LINGO2: variants seen among roughly 807,000 people sequenced by gnomAD.
LINGO2 encodes the protein leucine-rich repeat and immunoglobulin-like domain-containing nogo receptor-interacting protein 2.
Under a neutral mutation model 30.6 loss-of-function variants are expected in LINGO2, and 14 were observed. The ratio of observed to expected loss-of-function variants is 0.46; its 90% CI spans 0.30 to 0.72. LINGO2 has a LOEUF of 0.72. Ranked by LOEUF, LINGO2 falls within the 30% of genes least tolerant of loss-of-function variation. The pLI, the probability that LINGO2 is intolerant of heterozygous loss-of-function variation, is 0.07. For synonymous variants in LINGO2, 317 were observed against 288.5 expected (o/e 1.10, Z -1.00); for missense variants, 729 against 751.7 (o/e 0.97, Z 0.35).
chr9:28,342,354 G>C (rs918138605), intron 3 of LINGO2, among the ~76,000 whole-genome samples: 2 of 152,056 alleles, frequency 1.3e-5, no homozygotes, highest in African/African-American at 4.8e-5. Context: ...AAAAGAAATA[G>C]TCCAACAAAC....
the LINGO2 span, among the ~76,000 whole-genome samples, chr9:29,140,604 C>G: frequency 3.5e-5 from 5 of 144,610 alleles, no homozygotes; most frequent in Admixed American, 2.8e-4. Context: ...GGGAAGAAAA[C>G]TTATATAAAT....
At chr9:27,965,727 T>G (rs1249000438) in intron 5 of LINGO2, among the ~76,000 whole-genome samples, 3 of 152,150 alleles carry the variant, frequency 2.0e-5, no homozygotes, top group African/African-American at 7.2e-5. Flanking sequence ...ATAGAAATAC[T>G]TGGACATATA....
At chr9:28,231,168 A>G (rs1199589943) in intron 4 of LINGO2, among the ~76,000 whole-genome samples, 2 of 151,888 alleles carry the variant, frequency 1.3e-5, no homozygotes, top group Non-Finnish European at 2.9e-5. Context: ...GCCTCAAAAA[A>G]AAAATACTAC....
chr9:28,588,598 A>AAAACAAAC (rs5897309), intron 1 of LINGO2, among the ~76,000 whole-genome samples: 13,334 of 150,594 alleles, frequency 0.089, 843 homozygotes, highest in African/African-American at 0.16. Context: ...AGTTCAGGTT[A>AAAACAAAC]AAACAAACAA....
the LINGO2 span, among the ~76,000 whole-genome samples, chr9:28,679,214 A>T: frequency 1.3e-5 from 2 of 152,056 alleles, no homozygotes; most frequent in Non-Finnish European, 2.9e-5. Context: ...TCAGAAAAAA[A>T]ATTCTAATAT....
chr9:29,109,235 T>A, the LINGO2 span, among the ~76,000 whole-genome samples: 7 of 152,132 alleles, frequency 4.6e-5, no homozygotes, highest in African/African-American at 1.7e-4. Context: ...CAACTGCATA[T>A]CTCATCTGTT....
intron 1 of LINGO2, among the ~76,000 whole-genome samples, chr9:28,652,784 A>C (rs144834487): frequency 4.9e-4 from 74 of 152,148 alleles, no homozygotes; most frequent in Non-Finnish European, 9.4e-4. Context: ...GGAAAGAAGA[A>C]AGACAGGAAG....
the LINGO2 span, among the ~76,000 whole-genome samples, chr9:28,727,583 C>G: frequency 6.6e-6 from 1 of 152,196 alleles, no homozygotes; most frequent in East Asian, 1.9e-4. Context: ...CCACCACGCC[C>G]GGCCAAATTA....
the LINGO2 span, among the ~76,000 whole-genome samples, chr9:29,050,114 CT>C: frequency 6.6e-6 from 1 of 152,022 alleles, no homozygotes; most frequent in Non-Finnish European, 1.5e-5. Flanking sequence ...CACCCTCTGC[CT>C]CCTGAGTTCA....
At chr9:28,848,051 A>ACACAC in the LINGO2 span, among the ~76,000 whole-genome samples, 1 of 21,606 alleles carries the variant, frequency 4.6e-5, no homozygotes, top group Non-Finnish European at 1.0e-4. Flanking sequence ...TATAGTATAT[A>ACACAC]TATATATATA....
At chr9:28,687,206 AC>A in the LINGO2 span, among the ~76,000 whole-genome samples, 1 of 152,156 alleles carries the variant, frequency 6.6e-6, no homozygotes, top group African/African-American at 2.4e-5. Flanking sequence ...ATGTATGAGC[AC>A]AGCATTTACA....
chr9:28,592,529 A>G (rs2383773), intron 1 of LINGO2, among the ~76,000 whole-genome samples: 22,919 of 152,036 alleles, frequency 0.15, 2,228 homozygotes, highest in Admixed American at 0.28. Flanking sequence ...GTTCAGAGCT[A>G]TATTTTCTTA....
chr9:28,475,071 C>G (rs981933204), intron 2 of LINGO2, among the ~76,000 whole-genome samples: 1 of 151,996 alleles, frequency 6.6e-6, no homozygotes, highest in African/African-American at 2.4e-5. Context: ...GCACTGAGCT[C>G]TAATACATCC....
chr9:28,829,954 C>A, the LINGO2 span, among the ~76,000 whole-genome samples: 1 of 152,176 alleles, frequency 6.6e-6, no homozygotes, highest in Non-Finnish European at 1.5e-5. Flanking sequence ...ATCAGTCATA[C>A]TATAAATGCT....
At chr9:28,307,241 G>A (rs1300628851) in intron 3 of LINGO2, among the ~76,000 whole-genome samples, 2 of 152,086 alleles carry the variant, frequency 1.3e-5, no homozygotes, top group Admixed American at 6.6e-5. Context: ...ATGGTCAAGT[G>A]GGCTTCATCC....
At position 28,311,839 on chromosome 9, in the gene LINGO2, A is replaced by G. The variant is rs545890147; in HGVS notation, c.-245-16473T>C. On this transcript the variant is annotated intron_variant, in intron 3 of 5. Coordinates refer to ENST00000379992, the Ensembl canonical transcript of LINGO2. ...ATGATGGGATTAAGAGATTAAACCAAAGACAGGCATAGGAAATCACAAGGG... is the reference window on the plus strand; with the variant it reads ...ATGATGGGATTAAGAGATTAAACCAGAGACAGGCATAGGAAATCACAAGGG... Among the ~76,000 whole-genome samples, 75 of 152,332 alleles carry G rather than the reference A, an allele frequency of 4.9e-4. 1 individual carries two copies. The highest frequency in any genetic ancestry group is 3.4e-3 in the Middle Eastern group (1 of 294).
chr9:28,748,435 A>G, the LINGO2 span, among the ~76,000 whole-genome samples: 1 of 151,916 alleles, frequency 6.6e-6, no homozygotes. Flanking sequence ...TTCCTCACAC[A>G]CTACTATAAG....
chr9:28,824,749 C>A, the LINGO2 span, among the ~76,000 whole-genome samples: 3 of 152,120 alleles, frequency 2.0e-5, no homozygotes, highest in Non-Finnish European at 2.9e-5. Context: ...GCTCTCATCA[C>A]AAGACCCAGT....
At chr9:28,245,910 A>G (rs1171082445) in intron 4 of LINGO2, among the ~76,000 whole-genome samples, 1 of 152,170 alleles carries the variant, frequency 6.6e-6, no homozygotes, top group Non-Finnish European at 1.5e-5. Context: ...TCAAACTACC[A>G]TTAACATTCT....
Sources: gnomAD v4.1 joint callset for allele counts (sites outside exome capture counted in the v4.1 genomes callset) on GRCh38, gnomAD v4.1.1 for gene constraint, MANE v1.5 for transcripts, NCBI Gene and HGNC (gene_info 2026-07-23, HGNC 2026-07-21) for gene names.